EYS: variants seen among roughly 807,000 people sequenced by gnomAD.
EYS encodes the protein protein eyes shut homolog.
EYS carries 250 observed loss-of-function variants against 282.1 expected under a neutral mutation model. The observed-to-expected ratio is 0.89, with a 90% confidence interval of 0.80 to 0.98. The LOEUF is 0.98. EYS is among the 50% of genes least tolerant of loss of function. EYS has a pLI of 0.00. For synonymous variants in EYS, 1,355 were observed against 1,282.9 expected (o/e 1.06, Z -1.20); for missense variants, 4,016 against 3,709.0 (o/e 1.08, Z -2.15).
At chr6:63,817,179 A>G (rs979857597) in intron 36 of EYS, among the ~76,000 whole-genome samples, 2 of 152,224 alleles carry the variant, frequency 1.3e-5, no homozygotes, top group African/African-American at 4.8e-5. Flanking sequence ...AGGTAATGCT[A>G]CTATTGTGCT....
At chr6:65,006,503 CAAAAAAAAAA>C (rs59057058) in intron 13 of EYS, among the ~76,000 whole-genome samples, 1 of 83,300 alleles carries the variant, frequency 1.2e-5, no homozygotes, top group Non-Finnish European at 2.2e-5. Context: ...TATTCTAAGT[CAAAAAAAAAA>C]AAAAAAAAAA....
At chr6:65,633,105 A>G (rs1766974524) in intron 2 of EYS, among the ~76,000 whole-genome samples, 1 of 152,184 alleles carries the variant, frequency 6.6e-6, no homozygotes, top group African/African-American at 2.4e-5. Context: ...TTGCTACCAC[A>G]ACGTAATCAT....
chr6:65,320,267 A>C (rs983280746), intron 11 of EYS, among the ~76,000 whole-genome samples: 2 of 151,758 alleles, frequency 1.3e-5, no homozygotes, highest in Non-Finnish European at 2.9e-5. Context: ...AGGAATAGAA[A>C]GTGCTGAGAA....
At chr6:65,565,635 A>G (rs1209624230) in intron 2 of EYS, among the ~76,000 whole-genome samples, 1 of 152,194 alleles carries the variant, frequency 6.6e-6, no homozygotes, top group Non-Finnish European at 1.5e-5. Flanking sequence ...GCTACTATAA[A>G]GACACATACA....
At chr6:65,394,223 TG>T (rs1387062197) in intron 7 of EYS, among the ~76,000 whole-genome samples, 1 of 151,894 alleles carries the variant, frequency 6.6e-6, no homozygotes, top group East Asian at 1.9e-4. Context: ...TGTGTGTGTA[TG>T]TGCGCACGTG....
intron 19 of EYS, among the ~76,000 whole-genome samples, chr6:64,882,054 A>G (rs1251682767): frequency 6.6e-6 from 1 of 151,816 alleles, no homozygotes; most frequent in Non-Finnish European, 1.5e-5. Flanking sequence ...GCAATTTTAT[A>G]ATGAGGTTTT....
chr6:64,468,536 G>A (rs1775997221), intron 26 of EYS, among the ~76,000 whole-genome samples: 1 of 152,170 alleles, frequency 6.6e-6, no homozygotes, highest in Non-Finnish European at 1.5e-5. Flanking sequence ...AGGGGTACGT[G>A]TGCAAGTTTG....
chr6:65,428,223 T>G (rs1293039222), intron 5 of EYS, among the ~76,000 whole-genome samples: 1 of 152,096 alleles, frequency 6.6e-6, no homozygotes, highest in Admixed American at 6.5e-5. Flanking sequence ...AGTTATTCTA[T>G]GTCTGAAAAT....
At chr6:65,124,404 A>G (rs1775658300) in intron 12 of EYS, among the ~76,000 whole-genome samples, 1 of 152,148 alleles carries the variant, frequency 6.6e-6, no homozygotes, top group Non-Finnish European at 1.5e-5. Flanking sequence ...GTCTTTAGAA[A>G]TTTGTATCAA....
At chr6:64,544,796 A>G (rs1385378260) in intron 26 of EYS, among the ~76,000 whole-genome samples, 2 of 152,202 alleles carry the variant, frequency 1.3e-5, no homozygotes, top group South Asian at 2.1e-4. Context: ...TCTTCAACAC[A>G]TACACCCTCC....
intron 26 of EYS, among the ~76,000 whole-genome samples, chr6:64,485,145 G>A (rs905308867): frequency 2.0e-5 from 3 of 151,638 alleles, no homozygotes; most frequent in Non-Finnish European, 3.0e-5. Flanking sequence ...TGCCTCTACT[G>A]TGTTAGAAAT....
At chr6:63,742,169 T>C (rs1425587176) in intron 41 of EYS, among the ~76,000 whole-genome samples, 1 of 152,214 alleles carries the variant, frequency 6.6e-6, no homozygotes, top group Admixed American at 6.5e-5. Context: ...CAAATCAGCT[T>C]TTGCTCTTGT....
intron 29 of EYS, among the ~76,000 whole-genome samples, chr6:64,355,252 G>C (rs1771785836): frequency 6.6e-6 from 1 of 151,690 alleles, no homozygotes; most frequent in South Asian, 2.1e-4. Context: ...TTAATTAAGA[G>C]CTTGGAGTTT....
chr6:63,746,926 T>C (rs1769223484), intron 41 of EYS, among the ~76,000 whole-genome samples: 1 of 152,176 alleles, frequency 6.6e-6, no homozygotes, highest in Non-Finnish European at 1.5e-5. Context: ...TGTGTCTCTA[T>C]CTCCTTCAGT....
rs192011548 is a variant in EYS, at chr6:65,260,639, T to A, written c.2023+35224A>T. Reference sequence around the variant, plus strand: ...TTCATATTTTGCCTATTCAATATATTATAAATTTATAAACTGTGAAATACA... The same window carrying A: ...TTCATATTTTGCCTATTCAATATATAATAAATTTATAAACTGTGAAATACA... On this transcript the variant is annotated intron_variant, in intron 12 of 42. Coordinates refer to ENST00000503581, the MANE Select transcript of EYS (RefSeq NM_001142800.2). 2.1e-3 allele frequency among the ~76,000 whole-genome samples: 325 copies of A among 152,210 alleles called. 1 individual carries two copies. The highest frequency in any genetic ancestry group is 7.2e-3 in the African/African-American group (299 of 41,574).
intron 2 of EYS, among the ~76,000 whole-genome samples, chr6:65,579,995 G>T (rs1375372097): frequency 2.6e-5 from 4 of 151,998 alleles, no homozygotes; most frequent in African/African-American, 4.8e-5. Context: ...TATCTACATG[G>T]TCATGTAAAT....
At position 64,193,283 on chromosome 6, in the gene EYS, G is replaced by C. The variant is rs545650426; in HGVS notation, c.6424+37309C>G. Reference sequence around the variant, plus strand: ...ACTCTATCTCTGCATATTTAATTATGTGTCTTACATAGAATGAGTTACTAT... The same window carrying C: ...ACTCTATCTCTGCATATTTAATTATCTGTCTTACATAGAATGAGTTACTAT... On this transcript the variant is annotated intron_variant, in intron 31 of 42. Coordinates refer to ENST00000503581, the MANE Select transcript of EYS (RefSeq NM_001142800.2). Among the ~76,000 whole-genome samples, 14 of 151,970 alleles carry C rather than the reference G, an allele frequency of 9.2e-5. No homozygotes were observed. In the South Asian group the frequency reaches 2.9e-3, roughly 32 times the overall value.
chr6:65,320,600 C>A (rs966282912), intron 11 of EYS, among the ~76,000 whole-genome samples: 17 of 152,140 alleles, frequency 1.1e-4, no homozygotes, highest in Admixed American at 9.2e-4. Flanking sequence ...TGAAGTGGAT[C>A]CAAGTGGCAC....
chr6:64,953,351 T>A (rs1189315076), intron 14 of EYS, among the ~76,000 whole-genome samples: 1 of 151,800 alleles, frequency 6.6e-6, no homozygotes, highest in African/African-American at 2.4e-5. Context: ...GAAGGACAAA[T>A]ATTTTTCTTT....
Sources: allele counts gnomAD v4.1 joint callset (sites outside exome capture counted in the v4.1 genomes callset), GRCh38; gene constraint gnomAD v4.1.1; transcripts MANE v1.5; gene names NCBI Gene and HGNC (gene_info 2026-07-23, HGNC 2026-07-21).